The following SETBP1 variants were observed in gnomAD, a reference collection of about 807,000 sequenced individuals.
SETBP1 encodes SET-binding protein.
In SETBP1, 9 loss-of-function variants were observed where a neutral mutation model predicts 101.0. That is an observed-to-expected ratio of 0.09 (90% CI 0.05 to 0.16). SETBP1 has a LOEUF of 0.16. Among genes scored for constraint, SETBP1 ranks in the 10% least tolerant of loss-of-function variants. SETBP1 has a pLI of 1.00. For synonymous variants in SETBP1, 818 were observed against 788.5 expected (o/e 1.04, Z -0.63); for missense variants, 1,858 against 2,033.8 (o/e 0.91, Z 1.66).
intron 2 of SETBP1, among the ~76,000 whole-genome samples, chr18:44,841,358 T>G (rs1345050282): frequency 6.6e-6 from 1 of 152,158 alleles, no homozygotes; most frequent in Non-Finnish European, 1.5e-5. Context: ...TTAGAGCGAG[T>G]TATCCATGGA....
rs1456932464 is a variant in SETBP1 at position 44,950,285 on chromosome 18, G to A, written c.945G>A (p.Val315=). ...SAECNGLQPL[V]DQDGGGTKEP... Reference sequence around the variant, plus strand: ...AGTGCAACGGGCTTCAGCCCTTGGTGGATCAAGATGGAGGAGGTACAAAGG... The same window carrying A: ...AGTGCAACGGGCTTCAGCCCTTGGTAGATCAAGATGGAGGAGGTACAAAGG... The change falls in exon 4 of 6, where the codon GTG becomes GTA. Residue 315 remains valine, a synonymous_variant. Transcript: ENST00000649279. 1 of 1,614,040 alleles carries A rather than the reference G, an allele frequency of 6.2e-7. No homozygotes were observed. The highest frequency in any genetic ancestry group is 8.5e-7 in the Non-Finnish European group (1 of 1,180,050).
Position 45,050,252 on chromosome 18 carries a change from G to A in SETBP1, c.4171+11597G>A, listed in dbSNP as rs1599495934. ...ACTTGCCTTGTACGGTGTAAGGTAT[G>A]ATACAAAGCATAGCTGTTACAAAAA... On this transcript the variant is annotated intron_variant, in intron 5 of 5. Transcript: ENST00000649279. Among the ~76,000 whole-genome samples, 3 of 152,330 alleles carry A rather than the reference G, an allele frequency of 2.0e-5. No individual in the cohort carries two copies. In the South Asian group the frequency reaches 6.2e-4, roughly 32 times the overall value.
At chr18:44,975,394 T>A (rs2071963655) in intron 4 of SETBP1, among the ~76,000 whole-genome samples, 1 of 152,212 alleles carries the variant, frequency 6.6e-6, no homozygotes, top group Non-Finnish European at 1.5e-5. Flanking sequence ...GAAATTCACT[T>A]TTAATGCCAG....
At position 44,950,997 on chromosome 18, in the gene SETBP1, A is replaced by G; in HGVS notation, c.1657A>G (p.Lys553Glu). ...AGAGGCAGTTATGGCCACCTCTGAT[A>G]AACTGATGCTGGAGCCCCCGTCTGC... Reference protein sequence around the residue: ...LREAVMATSDKLMLEPPSAYP... With the variant: ...LREAVMATSDELMLEPPSAYP... Residue 553 changes from lysine (K) to glutamate (E), a missense_variant, in exon 4 of 6, where the codon AAA becomes GAA. Lys to Glu is a moderately conservative substitution (Grantham distance 56). Transcript: ENST00000649279. 4 of 1,614,098 alleles carry G rather than the reference A, an allele frequency of 2.5e-6. No homozygotes were observed. The highest frequency in any genetic ancestry group is 3.4e-6 in the Non-Finnish European group (4 of 1,180,030).
At chr18:44,745,673 G>C (rs941273721) in intron 2 of SETBP1, among the ~76,000 whole-genome samples, 4 of 152,192 alleles carry the variant, frequency 2.6e-5, no homozygotes, top group African/African-American at 9.7e-5. Flanking sequence ...CCAGGCACTG[G>C]GGAGGCAGGG....
At chr18:44,983,872 G>T (rs1568009080) in intron 4 of SETBP1, among the ~76,000 whole-genome samples, 1 of 152,158 alleles carries the variant, frequency 6.6e-6, no homozygotes, top group Non-Finnish European at 1.5e-5. Context: ...AAAGATTGTT[G>T]TTCCTGACCT....
At chr18:44,686,070 A>G (rs936789670) in intron 1 of SETBP1, among the ~76,000 whole-genome samples, 1 of 152,252 alleles carries the variant, frequency 6.6e-6, no homozygotes, top group South Asian at 2.1e-4. Flanking sequence ...TACTTAAGCA[A>G]TGGCATTCAG....
intron 3 of SETBP1, among the ~76,000 whole-genome samples, chr18:44,937,587 G>C (rs559326400): frequency 1.9e-4 from 29 of 152,184 alleles, no homozygotes; most frequent in Admixed American, 2.0e-4. Flanking sequence ...CACAGAACCT[G>C]AGCCTCCCCA....
chr18:44,735,753 A>G (rs903944986), intron 2 of SETBP1, among the ~76,000 whole-genome samples: 8 of 152,218 alleles, frequency 5.3e-5, no homozygotes, highest in Non-Finnish European at 8.8e-5. Flanking sequence ...ACCTACGCCT[A>G]CTAGTAGTCC....
At chr18:44,690,287 G>A (rs569325429) in intron 1 of SETBP1, among the ~76,000 whole-genome samples, 1 of 152,340 alleles carries the variant, frequency 6.6e-6, no homozygotes, top group South Asian at 2.1e-4. Context: ...GGGAAGTGGA[G>A]CTGATATTTG....
intron 1 of SETBP1, among the ~76,000 whole-genome samples, chr18:44,687,492 A>C (rs954216768): frequency 3.9e-5 from 6 of 152,192 alleles, no homozygotes; most frequent in African/African-American, 1.4e-4. Flanking sequence ...ACTTATTAGA[A>C]CAGTGGAGTC....
intron 4 of SETBP1, among the ~76,000 whole-genome samples, chr18:45,037,887 C>A (rs1237782914): frequency 6.6e-6 from 1 of 152,176 alleles, no homozygotes; most frequent in African/African-American, 2.4e-5. Flanking sequence ...GTTTACTCCC[C>A]ACCCATGCCT....
intron 2 of SETBP1, among the ~76,000 whole-genome samples, chr18:44,710,748 C>A (rs2069320818): frequency 6.6e-6 from 1 of 152,174 alleles, no homozygotes. Flanking sequence ...CCGCACCCAG[C>A]CAGGAAGTTT....
At chr18:44,930,476 T>C (rs1354906066) in intron 3 of SETBP1, among the ~76,000 whole-genome samples, 2 of 152,194 alleles carry the variant, frequency 1.3e-5, no homozygotes, top group Non-Finnish European at 2.9e-5. Context: ...GGATTCACTC[T>C]TTTTCTATTG....
rs753124143 is a variant in SETBP1 at position 45,065,360 on chromosome 18, G to A, written c.*1662G>A. 6.6e-6 allele frequency: 1 copy of A among 152,164 alleles called. No homozygotes were observed. The highest frequency in any genetic ancestry group is 2.4e-5 in the African/African-American group (1 of 41,444). 9.4% of individuals were successfully genotyped at this position (152,164 alleles called of 1,614,324 possible). A position where few individuals can be genotyped will look rare whatever the true frequency, so the allele number is the denominator to read the frequency against. ...ATGGTAGATTATAGAAAGAGACACTGAGAGAGAGAATTAAATTTTCTAATG... is the reference window on the plus strand; with the variant it reads ...ATGGTAGATTATAGAAAGAGACACTAAGAGAGAGAATTAAATTTTCTAATG... On this transcript the variant is annotated 3_prime_UTR_variant, in exon 6 of 6. Transcript: ENST00000649279.
chr18:44,812,016 C>T (rs1320760117), intron 2 of SETBP1, among the ~76,000 whole-genome samples: 1 of 152,202 alleles, frequency 6.6e-6, no homozygotes, highest in African/African-American at 2.4e-5. Flanking sequence ...AAGCATCTGA[C>T]TGGGTGGCCT....
At chr18:45,005,716 G>A (rs112942461) in intron 4 of SETBP1, among the ~76,000 whole-genome samples, 12,340 of 142,452 alleles carry the variant, frequency 0.087, 526 homozygotes, top group South Asian at 0.17. Flanking sequence ...GCATGATCTC[G>A]GCTCACTGCA....
chr18:44,719,630 C>T (rs184038549), intron 2 of SETBP1, among the ~76,000 whole-genome samples: 3 of 152,312 alleles, frequency 2.0e-5, no homozygotes, highest in African/African-American at 7.2e-5. Flanking sequence ...CAGCTGTGCC[C>T]CACTCCACCT....
intron 4 of SETBP1, among the ~76,000 whole-genome samples, chr18:45,031,001 C>T (rs1233052380): frequency 6.6e-6 from 1 of 151,820 alleles, no homozygotes; most frequent in Non-Finnish European, 1.5e-5. Context: ...TTTTTTGTGT[C>T]TCTATTTCCT....
Sources: gnomAD v4.1 joint callset for allele counts (sites outside exome capture counted in the v4.1 genomes callset) on GRCh38, gnomAD v4.1.1 for gene constraint, MANE v1.5 for transcripts, NCBI Gene and HGNC (gene_info 2026-07-23, HGNC 2026-07-21) for gene names.